The following PPP2R3B variants were observed in gnomAD, a reference collection of about 807,000 sequenced individuals.
PPP2R3B encodes serine/threonine-protein phosphatase 2A regulatory subunit B'' subunit beta.
Under a neutral mutation model 72.9 loss-of-function variants are expected in PPP2R3B, and 68 were observed. The observed-to-expected ratio is 0.93, with a 90% confidence interval of 0.77 to 1.14. The LOEUF (loss-of-function observed/expected upper bound fraction) is 1.14. Ranked by LOEUF, PPP2R3B falls within the 50% of genes most tolerant of loss-of-function variation. PPP2R3B has a pLI of 0.00. For missense variants in PPP2R3B, 1,018 were observed against 842.0 expected (o/e 1.21, Z -2.59); for synonymous variants, 466 against 375.8 (o/e 1.24, Z -2.78).
chrX:350,818 C>G (rs1480402217), intron 2 of PPP2R3B, among the ~76,000 whole-genome samples: 2 of 152,194 alleles, frequency 1.3e-5, no homozygotes, highest in African/African-American at 2.4e-5. Context: ...GCCCCGTGGC[C>G]CGGCCAGGAC....
Position 347,261 on chromosome X carries a change from C to CACCA in PPP2R3B, c.686_689dup (p.Gln231GlyfsTer115). On this transcript the variant is annotated frameshift_variant, in exon 4 of 13. Transcript: ENST00000390665. LOFTEE classifies it high-confidence loss of function. ...GCAAGAAGGGGACAAAGTCCTCCTG[C>CACCA]ACCAGGTAGTTGCAGCCGGGGCTCA... 1 of 1,613,758 alleles carries CACCA rather than the reference C, an allele frequency of 6.2e-7. No homozygotes were observed. Among genetic ancestry groups the CACCA allele is most frequent in the East Asian group, 2.2e-5 (1 of 44,880 alleles).
intron 8 of PPP2R3B, chrX:341,605 G>A: frequency 1.5e-6 from 1 of 655,542 alleles, no homozygotes. Context: ...AGGGTCAGGA[G>A]TGCACCTTCG....
intron 1 of PPP2R3B, among the ~76,000 whole-genome samples, chrX:379,307 C>T (rs2072072099): frequency 7.1e-6 from 1 of 140,864 alleles, no homozygotes; most frequent in African/African-American, 2.8e-5. Flanking sequence ...GTGTATGGAC[C>T]TATGTATGTG....
In PPP2R3B at chrX:386,873, G is replaced by A. The variant is rs956144719; in HGVS notation, c.-182C>T. The stretch of plus-strand genomic sequence containing the variant: ...CGCGGGGCGCGGGGACCGAGGAGGG[G>A]GCGCGGTCCGGCCCGCGCTGCTCAG... On this transcript the variant is annotated 5_prime_UTR_variant, in exon 1 of 13. Transcript: ENST00000390665. 3 of 209,248 alleles carry A rather than the reference G, an allele frequency of 1.4e-5. No homozygotes were observed. The highest frequency in any genetic ancestry group is 5.9e-5 in the Admixed American group (1 of 16,824). The allele number at this position is 209,248 out of a possible 1,614,324, so 13.0% of individuals were successfully genotyped here.
At position 385,482 on chromosome X, in the gene PPP2R3B, G is replaced by C. The variant is rs141738355; in HGVS notation, c.324+886C>G. On this transcript the variant is annotated intron_variant, in intron 1 of 12. Coordinates refer to ENST00000390665, the MANE Select transcript of PPP2R3B (RefSeq NM_013239.5). ...CCAGAGGCTGCGCTTCTCACCTGCG[G>C]TGTATAATCACCTTCTATGAAATAA... is the stretch of plus-strand genomic sequence containing the variant. Among the ~76,000 whole-genome samples, 659 of 151,944 alleles carry C rather than the reference G, an allele frequency of 4.3e-3. 9 individuals carry two copies. Among genetic ancestry groups the C allele is most frequent in the African/African-American group, 0.015 (611 of 41,474 alleles).
intron 12 of PPP2R3B, 107 bp from the exon 13 acceptor site, chrX:334,624 T>G: frequency 2.4e-6 from 3 of 1,250,728 alleles, no homozygotes; most frequent in South Asian, 3.9e-5. Context: ...CACGAGACAG[T>G]CCCCTGAGCC....
At chrX:376,885 G>A (rs2072009677) in intron 1 of PPP2R3B, among the ~76,000 whole-genome samples, 2 of 94,918 alleles carry the variant, frequency 2.1e-5, no homozygotes, top group African/African-American at 4.2e-5. Flanking sequence ...ATGCAGGGAC[G>A]GGCCGTCCAC....
intron 1 of PPP2R3B, among the ~76,000 whole-genome samples, chrX:374,635 C>T (rs1320164515): frequency 6.6e-6 from 1 of 152,168 alleles, no homozygotes; most frequent in Admixed American, 6.5e-5. Context: ...GGGTCAGAAA[C>T]TGGCCACATC....
Position 359,939 on chromosome X carries a change from A to G in PPP2R3B, c.510+1466T>C, listed in dbSNP as rs1020881505. The G allele has an allele frequency of 7.6e-5, 33 of 431,708 alleles. 1 individual carries two copies. The highest frequency in any genetic ancestry group is 5.9e-4 in the Admixed American group (20 of 33,674). 26.7% of individuals were successfully genotyped at this position (431,708 alleles called of 1,614,324 possible). ...ACTTTGTAACCATGGAGGTTTTTACATATTTATAAAACAAAACTTTTTAAA... is the reference window on the plus strand; with the variant it reads ...ACTTTGTAACCATGGAGGTTTTTACGTATTTATAAAACAAAACTTTTTAAA... On this transcript the variant is annotated intron_variant, in intron 2 of 12. Coordinates refer to ENST00000390665, the MANE Select transcript of PPP2R3B (RefSeq NM_013239.5).
chrX:353,382 A>C (rs1245821410), intron 2 of PPP2R3B, among the ~76,000 whole-genome samples: 1 of 151,768 alleles, frequency 6.6e-6, no homozygotes, highest in Non-Finnish European at 1.5e-5. Flanking sequence ...TCCAAAAAAA[A>C]AAGAGAAAAG....
intron 2 of PPP2R3B, among the ~76,000 whole-genome samples, chrX:352,653 A>G (rs1382155939): frequency 1.3e-5 from 2 of 150,392 alleles, no homozygotes; most frequent in Non-Finnish European, 3.0e-5. Flanking sequence ...CCCAAGGCCC[A>G]CGTGATGGTG....
At chrX:363,487 A>G (rs1267132808) in intron 1 of PPP2R3B, among the ~76,000 whole-genome samples, 1 of 54,884 alleles carries the variant, frequency 1.8e-5, no homozygotes, top group African/African-American at 6.4e-5. Context: ...CCCCGAGCCC[A>G]GCATCCCACA....
chrX:353,383 AAGAG>A lies in PPP2R3B; in HGVS notation c.511-5694_511-5691del, dbSNP rs934701550. 6.6e-3 allele frequency among the ~76,000 whole-genome samples: 878 copies of A among 133,998 alleles called. 9 individuals carry two copies. Among genetic ancestry groups the A allele is most frequent in the African/African-American group, 0.03 (850 of 28,072 alleles). 87.9% of individuals were successfully genotyped at this position (133,998 alleles called of 152,430 possible). On this transcript the variant is annotated intron_variant, in intron 2 of 12. Transcript: ENST00000390665. ...AGCAAGACTCTGTCTCCAAAAAAAA[AAGAG>A]AAAAGATGATACAGACAGCCTGTGT...
chrX:339,363 G>A lies in PPP2R3B; in HGVS notation c.1352-467C>T, dbSNP rs1234603202. 1.3e-4 allele frequency among the ~76,000 whole-genome samples: 14 copies of A among 109,506 alleles called. 1 individual carries two copies. The East Asian group carries it at 2.8e-3, about 22-fold the overall frequency. 71.8% of individuals were successfully genotyped at this position (109,506 alleles called of 152,430 possible). A position where few individuals can be genotyped will look rare whatever the true frequency, so the allele number is the denominator to read the frequency against. ...GCTGGATTCTGAGATGCAGAAGGAAGCCAGGCGGCGTGGACGGTGGGGCTC... is the reference window on the plus strand; with the variant it reads ...GCTGGATTCTGAGATGCAGAAGGAAACCAGGCGGCGTGGACGGTGGGGCTC... On this transcript the variant is annotated intron_variant, in intron 10 of 12. Coordinates refer to ENST00000390665, the MANE Select transcript of PPP2R3B (RefSeq NM_013239.5).
chrX:338,919 A>G, intron 10 of PPP2R3B, 23 bp from the exon 11 acceptor site: 4 of 1,600,546 alleles, frequency 2.5e-6, no homozygotes, highest in Non-Finnish European at 3.4e-6. Context: ...GAGTGCGTCC[A>G]AGGCGCGTGA....
intron 1 of PPP2R3B, among the ~76,000 whole-genome samples, chrX:385,659 G>C (rs1449518326): frequency 6.6e-6 from 1 of 152,156 alleles, no homozygotes; most frequent in East Asian, 1.9e-4. Flanking sequence ...AAATTAGCCT[G>C]GCGTGATGGT....
chrX:338,516 A>G (rs2070951847), intron 12 of PPP2R3B, 88 bp downstream of exon 12: 1 of 1,240,296 alleles, frequency 8.1e-7, no homozygotes, highest in South Asian at 1.3e-5. Context: ...CCGGCTGCAC[A>G]CACACCCGTC....
At position 338,699 on chromosome X, in the gene PPP2R3B, G is replaced by A. The variant is rs768565689; in HGVS notation, c.1482C>T (p.Ser494=). Residue 494 remains serine, a synonymous_variant, in exon 12 of 13, where the codon AGC becomes AGT. Transcript: ENST00000390665. ...EQISLLRDGD[S]GGPELSDWEK... The stretch of plus-strand genomic sequence containing the variant: ...CCCAGTCCGAGAGCTCGGGGCCGCC[G>A]CTGTCACCGTCCTGGAGGAAGCACA... The A allele has an allele frequency of 6.9e-5, 112 of 1,611,638 alleles. 1 individual carries two copies. Among genetic ancestry groups the A allele is most frequent in the South Asian group, 4.3e-4 (39 of 91,042 alleles).
intron 2 of PPP2R3B, among the ~76,000 whole-genome samples, chrX:351,000 G>A (rs767532370): frequency 5.3e-5 from 8 of 152,276 alleles, no homozygotes; most frequent in South Asian, 4.1e-4. Flanking sequence ...GGTGCAGGGC[G>A]GGAGTGACCA....
Sources: gnomAD v4.1 joint callset for allele counts (sites outside exome capture counted in the v4.1 genomes callset) on GRCh38, gnomAD v4.1.1 for gene constraint, MANE v1.5 for transcripts, NCBI Gene and HGNC (gene_info 2026-07-23, HGNC 2026-07-21) for gene names.